PTPRN2: variants seen among roughly 807,000 people sequenced by gnomAD.
PTPRN2 encodes protein tyrosine phosphatase receptor type N2, also known as receptor-type tyrosine-protein phosphatase N2.
In PTPRN2, 74 loss-of-function variants were observed where a neutral mutation model predicts 118.8. The ratio of observed to expected loss-of-function variants is 0.62; its 90% CI spans 0.52 to 0.76. The LOEUF is 0.76. Among genes scored for constraint, PTPRN2 ranks in the 30% least tolerant of loss-of-function variants. The pLI is 0.00. For synonymous variants in PTPRN2, 641 were observed against 608.0 expected (o/e 1.05, Z -0.80); for missense variants, 1,481 against 1,394.4 (o/e 1.06, Z -0.99).
rs925488928 is a variant in PTPRN2 at position 158,486,296 on chromosome 7, G to A, written c.163+3439C>T. Among the ~76,000 whole-genome samples, 8 of 152,198 alleles carry A rather than the reference G, an allele frequency of 5.3e-5. No homozygotes were observed. In the South Asian group the frequency reaches 6.2e-4, roughly 12 times the overall value. The stretch of plus-strand genomic sequence containing the variant: ...GACCAGCTCACTTCCCGACATAAGC[G>A]TGATCTATTTTAATCTTCATAGATT... On this transcript the variant is annotated intron_variant, in intron 2 of 22. Coordinates refer to ENST00000389418, the MANE Select transcript of PTPRN2 (RefSeq NM_002847.5).
intron 10 of PTPRN2, among the ~76,000 whole-genome samples, chr7:158,101,405 A>T (rs1815215769): frequency 6.6e-6 from 1 of 152,242 alleles, no homozygotes. Flanking sequence ...TAAGACCTGA[A>T]ACCATAAAAT....
In PTPRN2 at chr7:157,915,494, G is replaced by A. The variant is rs371162594; in HGVS notation, c.1724-16757C>T. Reference sequence around the variant, plus strand: ...CACACATCCAGGAACAGCGCTGAACGCAAGCAGTTTACCATCCTCCAGCCC... The same window carrying A: ...CACACATCCAGGAACAGCGCTGAACACAAGCAGTTTACCATCCTCCAGCCC... On this transcript the variant is annotated intron_variant, in intron 11 of 22. Coordinates refer to ENST00000389418, the MANE Select transcript of PTPRN2 (RefSeq NM_002847.5). Among the ~76,000 whole-genome samples the A allele has an allele frequency of 9.8e-4, 131 of 133,514 alleles. No individual in the cohort carries two copies. The South Asian group carries it at 0.016, about 17-fold the overall frequency. The allele number at this position is 133,514 out of a possible 152,430, so 87.6% of individuals were successfully genotyped here.
At chr7:158,499,594 T>C (rs111479183) in intron 1 of PTPRN2, among the ~76,000 whole-genome samples, 252 of 152,206 alleles carry the variant, frequency 1.7e-3, no homozygotes, top group African/African-American at 5.9e-3. Context: ...GCCAACATGG[T>C]GTTTAGTCTC....
At position 157,981,166 on chromosome 7, in the gene PTPRN2, C is replaced by G. The variant is rs139893708; in HGVS notation, c.1724-82429G>C. On this transcript the variant is annotated intron_variant, in intron 11 of 22. Coordinates refer to ENST00000389418, the MANE Select transcript of PTPRN2 (RefSeq NM_002847.5). Reference sequence around the variant, plus strand: ...CAGCCTTTTACCCTAAGAGTGACCTCAGAGTTTGCAAGAACCCACACATTT... The same window carrying G: ...CAGCCTTTTACCCTAAGAGTGACCTGAGAGTTTGCAAGAACCCACACATTT... Among the ~76,000 whole-genome samples the G allele has an allele frequency of 2.2e-4, 33 of 152,360 alleles. 1 individual carries two copies. The East Asian group carries it at 5.6e-3, about 26-fold the overall frequency.
rs1242488184 is a variant in PTPRN2 at position 158,214,151 on chromosome 7, C to T, written c.278-8878G>A. On this transcript the variant is annotated intron_variant, in intron 3 of 22. Coordinates refer to ENST00000389418, the MANE Select transcript of PTPRN2 (RefSeq NM_002847.5). Reference sequence around the variant, plus strand: ...TAAGCATCTCCTATGAACTTCTGTCCGTGGCATATCTTGGAGAAAATATAA... The same window carrying T: ...TAAGCATCTCCTATGAACTTCTGTCTGTGGCATATCTTGGAGAAAATATAA... Among the ~76,000 whole-genome samples, 7 of 152,088 alleles carry T rather than the reference C, an allele frequency of 4.6e-5. No homozygotes were observed. In the East Asian group the frequency reaches 1.4e-3, roughly 29 times the overall value.
At chr7:158,256,714 T>C (rs374311693) in intron 3 of PTPRN2, among the ~76,000 whole-genome samples, 6 of 152,044 alleles carry the variant, frequency 3.9e-5, no homozygotes, top group Non-Finnish European at 5.9e-5. Flanking sequence ...TTGAGAGCAA[T>C]AGAATTTGCC....
At chr7:157,993,936 G>A (rs767154365) in intron 11 of PTPRN2, among the ~76,000 whole-genome samples, 16 of 152,176 alleles carry the variant, frequency 1.1e-4, no homozygotes, top group African/African-American at 2.4e-4. Flanking sequence ...GTCTCCCTGC[G>A]CCCGTGTCTG....
chr7:157,780,995 C>T lies in PTPRN2; in HGVS notation c.1789-98058G>A, dbSNP rs1405587616. 6.6e-6 allele frequency among the ~76,000 whole-genome samples: 1 copy of T among 152,252 alleles called. No homozygotes were observed. Among genetic ancestry groups the T allele is most frequent in the East Asian group, 1.9e-4 (1 of 5,188 alleles). On this transcript the variant is annotated intron_variant, in intron 12 of 22. Transcript: ENST00000389418. This position sits in a 1 kb window ranked among gnomAD's most constrained non-coding sequence, Gnocchi z 4.5. The stretch of plus-strand genomic sequence containing the variant: ...AAACCTTCTCTGGCCTCCTGCCGCT[C>T]ACGGCCACAATCACCCCACATCCTG...
Position 157,598,706 on chromosome 7 carries a change from T to G in PTPRN2, c.2419-3391A>C. ...TAAATTTATTAGGTGAACGCCAAGC[T>G]GTCAGGCGGTCTGCGGCCCGTGAAC... On this transcript the variant is annotated intron_variant, in intron 16 of 22. Transcript: ENST00000389418. The surrounding 1 kb of genome is among the most constrained non-coding windows in gnomAD (Gnocchi z 5.2). Among the ~76,000 whole-genome samples the G allele has an allele frequency of 6.6e-6, 1 of 152,246 alleles. No individual in the cohort carries two copies. Among genetic ancestry groups the G allele is most frequent in the East Asian group, 1.9e-4 (1 of 5,198 alleles).
intron 2 of PTPRN2, among the ~76,000 whole-genome samples, chr7:158,448,683 TC>T (rs1442245487): frequency 4.6e-5 from 7 of 152,158 alleles, no homozygotes; most frequent in African/African-American, 1.7e-4. Context: ...TGACAAGTGT[TC>T]CCCGGGGCTC....
intron 11 of PTPRN2, among the ~76,000 whole-genome samples, chr7:158,035,552 G>C (rs530456984): frequency 6.6e-6 from 1 of 152,150 alleles, no homozygotes; most frequent in Non-Finnish European, 1.5e-5. Flanking sequence ...TGCTGGCAGC[G>C]CACCCCCAAG....
intron 21 of PTPRN2, among the ~76,000 whole-genome samples, chr7:157,556,611 C>A (rs1258280430): frequency 6.6e-6 from 1 of 151,770 alleles, no homozygotes; most frequent in Non-Finnish European, 1.5e-5. Flanking sequence ...ACACACACCC[C>A]ACACATCATA....
rs1393915896 is a variant in PTPRN2 at position 157,646,933 on chromosome 7, C to T, written c.2196+9424G>A. On this transcript the variant is annotated intron_variant, in intron 14 of 22. Coordinates refer to ENST00000389418, the MANE Select transcript of PTPRN2 (RefSeq NM_002847.5). ...CCAGTGTGCACTGAACTCGGTGGGT[C>T]AGACCCATCCAGGGTGCACTGAACT... Among the ~76,000 whole-genome samples the T allele has an allele frequency of 1.4e-3, 210 of 147,468 alleles. 6 individuals carry two copies. The highest frequency in any genetic ancestry group is 0.012 in the Admixed American group (176 of 14,690).
chr7:157,913,144 T>C (rs1306387644), intron 11 of PTPRN2, among the ~76,000 whole-genome samples: 1 of 152,240 alleles, frequency 6.6e-6, no homozygotes, highest in Non-Finnish European at 1.5e-5. Context: ...ATTTAACATA[T>C]GTATATATTC....
chr7:158,334,969 A>C (rs565280238), intron 2 of PTPRN2, among the ~76,000 whole-genome samples: 720 of 10,694 alleles, frequency 0.067, 300 homozygotes, highest in African/African-American at 0.17. Context: ...CTCTCACCAT[A>C]AGCGCTGACA....
intron 6 of PTPRN2, among the ~76,000 whole-genome samples, chr7:158,156,534 C>T (rs1168694165): frequency 1.3e-5 from 2 of 152,206 alleles, no homozygotes; most frequent in African/African-American, 2.4e-5. Flanking sequence ...CAGAAACGCC[C>T]TCGTAATGGG....
chr7:158,103,238 G>A (rs1815389554), intron 10 of PTPRN2, among the ~76,000 whole-genome samples: 1 of 152,186 alleles, frequency 6.6e-6, no homozygotes, highest in Admixed American at 6.5e-5. Flanking sequence ...GCGCCTTCCT[G>A]GGGGCCATAG....
chr7:157,769,235 G>A (rs976610312), intron 12 of PTPRN2, among the ~76,000 whole-genome samples: 6 of 152,140 alleles, frequency 3.9e-5, no homozygotes, highest in African/African-American at 1.2e-4. Context: ...ACACATGCCG[G>A]TGATTTATCC....
At chr7:157,955,756 G>A (rs539826746) in intron 11 of PTPRN2, among the ~76,000 whole-genome samples, 1 of 152,222 alleles carries the variant, frequency 6.6e-6, no homozygotes, top group African/African-American at 2.4e-5. Flanking sequence ...ACCCTGCGGG[G>A]TTTGCCTGGG....
Sources: gnomAD v4.1 joint callset for allele counts (sites outside exome capture counted in the v4.1 genomes callset) on GRCh38, gnomAD v4.1.1 for gene constraint, Gnocchi (gnomAD v3.1) non-coding constraint, MANE v1.5 for transcripts, NCBI Gene and HGNC (gene_info 2026-07-23, HGNC 2026-07-21) for gene names.